ICA1: variants seen among roughly 807,000 people sequenced by gnomAD.
The protein encoded by ICA1 is 69 kDa islet cell autoantigen.
ICA1 carries 40 observed loss-of-function variants against 71.0 expected under a neutral mutation model. The observed-to-expected ratio is 0.56, with a 90% confidence interval of 0.44 to 0.73. ICA1 has a LOEUF of 0.73. ICA1 is among the 30% of genes least tolerant of loss of function. ICA1 has a pLI of 0.00. For missense variants in ICA1, 578 were observed against 576.5 expected (o/e 1.00, Z -0.03); for synonymous variants, 207 against 209.5 (o/e 0.99, Z 0.10).
chr7:8,129,402 G>A (rs894219724), intron 12 of ICA1, among the ~76,000 whole-genome samples: 2 of 151,220 alleles, frequency 1.3e-5, no homozygotes, highest in Non-Finnish European at 2.9e-5. Context: ...CTCTGTGTTG[G>A]CTTTACTGGA....
At chr7:8,225,522 G>T (rs1295070173) in intron 4 of ICA1, among the ~76,000 whole-genome samples, 1 of 152,132 alleles carries the variant, frequency 6.6e-6, no homozygotes, top group African/African-American at 2.4e-5. Context: ...TCTCCAAGGA[G>T]CATTTCTTTT....
At chr7:8,257,637 T>A (rs1293429730) in intron 1 of ICA1, among the ~76,000 whole-genome samples, 1 of 152,220 alleles carries the variant, frequency 6.6e-6, no homozygotes, top group Non-Finnish European at 1.5e-5. Flanking sequence ...TCACCCTCTC[T>A]TAATTCATGT....
chr7:8,232,729 C>A lies in ICA1; in HGVS notation c.44G>T (p.Arg15Leu), dbSNP rs142514431. 31 of 1,606,184 alleles carry A rather than the reference C, an allele frequency of 1.9e-5. No homozygotes were observed. Among genetic ancestry groups the A allele is most frequent in the Non-Finnish European group, 2.4e-5 (28 of 1,176,536 alleles). ...KCSYPWDLQD[R>L]YAQDKSVVNK... ...TACAACTGACTTATCTTGAGCATAT[C>A]GATCCTGTAAGTCCCAGGGATAACT... The change falls in exon 3 of 14, where the codon CGA (arginine) becomes CTA (leucine). Residue 15 changes from arginine to leucine, a missense_variant. Coordinates refer to ENST00000402384, the MANE Select transcript of ICA1 (RefSeq NM_001136020.3).
At chr7:8,121,746 A>G (rs1465521406) in intron 13 of ICA1, among the ~76,000 whole-genome samples, 3 of 152,210 alleles carry the variant, frequency 2.0e-5, no homozygotes, top group Non-Finnish European at 4.4e-5. Flanking sequence ...AAAATAACCC[A>G]AAGAGTATAA....
At chr7:8,250,329 CA>C (rs1426507954) in intron 1 of ICA1, among the ~76,000 whole-genome samples, 1 of 152,070 alleles carries the variant, frequency 6.6e-6, no homozygotes, top group Admixed American at 6.5e-5. Context: ...CATAATTAAC[CA>C]TATTAATTAT....
chr7:8,257,821 A>C (rs1204090879), intron 1 of ICA1, among the ~76,000 whole-genome samples: 1 of 152,212 alleles, frequency 6.6e-6, no homozygotes, highest in Non-Finnish European at 1.5e-5. Flanking sequence ...ATCCTCCTGA[A>C]TCACAGATGA....
upstream of ICA1, chr7:8,262,474 G>C (rs1430664110): frequency 6.6e-6 from 1 of 152,240 alleles, no homozygotes; most frequent in Non-Finnish European, 1.5e-5. Context: ...CGGGGAGTGA[G>C]TTTCTCTCTC....
At chr7:8,242,540 G>C (rs1006610393) in intron 1 of ICA1, among the ~76,000 whole-genome samples, 7 of 152,168 alleles carry the variant, frequency 4.6e-5, no homozygotes, top group Admixed American at 3.3e-4. Flanking sequence ...TCAAATGCTA[G>C]CAGAAGGCAA....
intron 1 of ICA1, among the ~76,000 whole-genome samples, chr7:8,255,697 A>ACTT (rs1400920017): frequency 5.1e-4 from 6 of 11,676 alleles, no homozygotes; most frequent in African/African-American, 4.2e-3. Flanking sequence ...TGCACTCTCA[A>ACTT]ATTCTTCTTT....
chr7:8,151,580 T>G (rs780767400), intron 8 of ICA1, among the ~76,000 whole-genome samples: 11 of 152,202 alleles, frequency 7.2e-5, no homozygotes, highest in South Asian at 2.1e-4. Flanking sequence ...GTAATTGTCT[T>G]GTTGGGACTG....
At chr7:8,120,696 A>G (rs2128018127) in intron 13 of ICA1, among the ~76,000 whole-genome samples, 1 of 152,352 alleles carries the variant, frequency 6.6e-6, no homozygotes, top group East Asian at 1.9e-4. Flanking sequence ...TTGATATATC[A>G]GATGTGCTAC....
At position 8,223,289 on chromosome 7, in the gene ICA1, A is replaced by G. The variant is rs1209723658; in HGVS notation, c.257-1891T>C. On this transcript the variant is annotated intron_variant, in intron 4 of 13. Transcript: ENST00000402384. The surrounding 1 kb of genome is among the most constrained non-coding windows in gnomAD (Gnocchi z 4.1). ...AAGTCACATACAAATGAATGCATTT[A>G]GCTTAAGGCTAGGAAGAAACCAATT... Among the ~76,000 whole-genome samples, 43 of 152,196 alleles carry G rather than the reference A, an allele frequency of 2.8e-4. No homozygotes were observed. The highest frequency in any genetic ancestry group is 1.8e-4 in the Non-Finnish European group (12 of 68,030).
chr7:8,155,750 T>C (rs769508164), intron 8 of ICA1, among the ~76,000 whole-genome samples: 4 of 152,114 alleles, frequency 2.6e-5, no homozygotes, highest in Non-Finnish European at 4.4e-5. Flanking sequence ...ATAAGAATTG[T>C]GAATAGTGTG....
At chr7:8,249,572 C>G (rs1383737544) in intron 1 of ICA1, among the ~76,000 whole-genome samples, 2 of 152,164 alleles carry the variant, frequency 1.3e-5, no homozygotes, top group African/African-American at 4.8e-5. Flanking sequence ...TTTGGACTAT[C>G]CATCACAAAT....
chr7:8,237,428 G>A (rs546536471), intron 1 of ICA1, among the ~76,000 whole-genome samples: 70 of 152,142 alleles, frequency 4.6e-4, no homozygotes, highest in African/African-American at 1.7e-3. Context: ...TAGGATAGTT[G>A]GTACTTTTTG....
In ICA1 at chr7:8,223,195, G is replaced by A. The variant is rs1321848183; in HGVS notation, c.257-1797C>T. Among the ~76,000 whole-genome samples the A allele has an allele frequency of 8.5e-5, 13 of 152,116 alleles. No homozygotes were observed. Among genetic ancestry groups the A allele is most frequent in the Admixed American group, 8.5e-4 (13 of 15,260 alleles). On this transcript the variant is annotated intron_variant, in intron 4 of 13. Transcript: ENST00000402384. The surrounding 1 kb of genome is among the most constrained non-coding windows in gnomAD (Gnocchi z 4.1). Reference sequence around the variant, plus strand: ...AATTCCACAATGAATCTTTCCCTATGGAAAGCAATGTCTCATTTTTGATCT... The same window carrying A: ...AATTCCACAATGAATCTTTCCCTATAGAAAGCAATGTCTCATTTTTGATCT...
rs34160190 is a variant in ICA1, at chr7:8,128,123, T to C, written c.1080A>G (p.Ala360=). 1.2e-6 allele frequency: 2 copies of C among 1,614,022 alleles called. No individual in the cohort carries two copies. Among genetic ancestry groups the C allele is most frequent in the African/African-American group, 1.3e-5 (1 of 74,940 alleles). The change falls in exon 13 of 14, where the codon GCA becomes GCG. Residue 360 remains alanine (A), a synonymous_variant. Coordinates refer to ENST00000402384, the MANE Select transcript of ICA1 (RefSeq NM_001136020.3). ...SEEGACLGPV[A]GTPEPEGADK... Reference sequence around the variant, plus strand: ...CAGCACCTTCAGGTTCCGGGGTCCCTGCCACTGGTCCCAGGCAAGCTGATT... The same window carrying C: ...CAGCACCTTCAGGTTCCGGGGTCCCCGCCACTGGTCCCAGGCAAGCTGATT...
intron 3 of ICA1, among the ~76,000 whole-genome samples, chr7:8,231,162 G>A (rs1344231735): frequency 6.6e-6 from 1 of 152,168 alleles, no homozygotes; most frequent in Non-Finnish European, 1.5e-5. Flanking sequence ...TATGAGAAGG[G>A]AAGATGTGGG....
Position 8,141,250 on chromosome 7 carries a change from A to T in ICA1, c.955+515T>A, listed in dbSNP as rs139006513. Among the ~76,000 whole-genome samples, 15 of 152,286 alleles carry T rather than the reference A, an allele frequency of 9.8e-5. No individual in the cohort carries two copies. In the East Asian group the frequency reaches 1.9e-3, roughly 20 times the overall value. On this transcript the variant is annotated intron_variant, in intron 10 of 13. Coordinates refer to ENST00000402384, the MANE Select transcript of ICA1 (RefSeq NM_001136020.3). ...ACGCTCTGACCCCTTCTCCTAACAC[A>T]TCAGGTTCAGTTCACCTGAGGGATC...
Sources: allele counts gnomAD v4.1 joint callset (sites outside exome capture counted in the v4.1 genomes callset), GRCh38; gene constraint gnomAD v4.1.1; non-coding constraint Gnocchi (gnomAD v3.1); transcripts MANE v1.5; gene names NCBI Gene and HGNC (gene_info 2026-07-23, HGNC 2026-07-21).